The following ZGPAT variants were observed in gnomAD, a reference collection of about 807,000 sequenced individuals.
ZGPAT encodes zinc finger CCCH-type with G patch domain-containing protein.
Under a neutral mutation model 47.9 loss-of-function variants are expected in ZGPAT, and 39 were observed. The ratio of observed to expected loss-of-function variants is 0.81; its 90% CI spans 0.63 to 1.06. ZGPAT has a LOEUF of 1.06. ZGPAT is among the 50% of genes least tolerant of loss of function. The pLI is 0.00. For missense variants in ZGPAT, 717 were observed against 681.4 expected, an observed-to-expected ratio of 1.05 and a Z score of -0.58; for synonymous variants, 348 against 292.9, an observed-to-expected ratio of 1.19 and a Z score of -1.92.
rs961555500 is a variant in ZGPAT, at chr20:63,735,730, G to C, written c.1398-51G>C. ...ACAGGCAGTGGGTACGGCAGACTGG[G>C]GTTGGTGGCATGGCCCAGGACCCCA... On this transcript the variant is annotated intron_variant, in intron 6 of 6. Transcript: ENST00000355969. 5.1e-6 allele frequency: 8 copies of C among 1,557,572 alleles called. No individual in the cohort carries two copies. The African/African-American group carries it at 1.1e-4, about 21-fold the overall frequency.
chr20:63,728,897 C>T (rs2091869635), intron 2 of ZGPAT, among the ~76,000 whole-genome samples: 1 of 152,190 alleles, frequency 6.6e-6, no homozygotes, highest in Non-Finnish European at 1.5e-5. Context: ...AGTATTCTGG[C>T]CCAAGGCCCA....
At chr20:63,709,397 G>A (rs940213802) in intron 2 of ZGPAT, among the ~76,000 whole-genome samples, 1 of 152,180 alleles carries the variant, frequency 6.6e-6, no homozygotes. Context: ...CAGCACTTTA[G>A]GAAGCCGAGG....
At position 63,708,707 on chromosome 20, in the gene ZGPAT, C is replaced by T. The variant is rs1204702074; in HGVS notation, c.127C>T (p.Leu43=). 1 of 1,612,814 alleles carries T rather than the reference C, an allele frequency of 6.2e-7. No individual in the cohort carries two copies. Among genetic ancestry groups the T allele is most frequent in the Non-Finnish European group, 8.5e-7 (1 of 1,179,940 alleles). ...QADLRQLQGD[L]KELIELTEAS... is the part of the protein sequence containing the mutation. ...TGACCTGCGCCAGCTGCAGGGGGAC[C>T]TGAAGGAGCTCATCGAGCTCACCGA... The change falls in exon 2 of 7, where the codon CTG becomes TTG. Residue 43 remains leucine (L), a synonymous_variant. Coordinates refer to ENST00000355969, the MANE Select transcript of ZGPAT (RefSeq NM_181485.3).
At chr20:63,716,697 T>A (rs2091732279) in intron 2 of ZGPAT, among the ~76,000 whole-genome samples, 1 of 151,968 alleles carries the variant, frequency 6.6e-6, no homozygotes, top group Admixed American at 6.6e-5. Flanking sequence ...GTTTTTTTGT[T>A]TTTGAGACGG....
rs556931666 is a variant in ZGPAT at position 63,732,138 on chromosome 20, C to T, written c.585-1081C>T. 3.3e-5 allele frequency among the ~76,000 whole-genome samples: 5 copies of T among 151,838 alleles called. No individual in the cohort carries two copies. In the East Asian group the frequency reaches 5.9e-4, roughly 18 times the overall value. ...GAGTGAGTGCACGTGACAGTCTACA[C>T]GTGAGGGTGCATGTGTGTGCGCGTG... On this transcript the variant is annotated intron_variant, in intron 2 of 6. Coordinates refer to ENST00000355969, the MANE Select transcript of ZGPAT (RefSeq NM_181485.3).
At chr20:63,732,742 A>G (rs1186817564) in intron 2 of ZGPAT, among the ~76,000 whole-genome samples, 4 of 149,724 alleles carry the variant, frequency 2.7e-5, no homozygotes, top group South Asian at 4.2e-4. Flanking sequence ...ATGTCTGTAT[A>G]TGTGTGTGTA....
At position 63,709,017 on chromosome 20, in the gene ZGPAT, A is replaced by G; in HGVS notation, c.437A>G (p.Glu146Gly). Residue 146 changes from glutamate (E) to glycine (G), a missense_variant, in exon 2 of 7, where the codon GAG becomes GGG. Coordinates refer to ENST00000355969, the MANE Select transcript of ZGPAT (RefSeq NM_181485.3). Reference sequence around the variant, plus strand: ...TACTACAGCTCCTGGGGCACTCTGGAGTATCACAACGCCATGGTGGTGGGA... The same window carrying G: ...TACTACAGCTCCTGGGGCACTCTGGGGTATCACAACGCCATGGTGGTGGGA... ...APYYSSWGTL[E>G]YHNAMVVGTE... 2 of 1,613,628 alleles carry G rather than the reference A, an allele frequency of 1.2e-6. No individual in the cohort carries two copies. Among genetic ancestry groups the G allele is most frequent in the Non-Finnish European group, 1.7e-6 (2 of 1,179,998 alleles).
chr20:63,723,584 C>T (rs1285467916), intron 2 of ZGPAT, among the ~76,000 whole-genome samples: 2 of 133,650 alleles, frequency 1.5e-5, no homozygotes, highest in African/African-American at 5.7e-5. Flanking sequence ...CCCTTCTCCT[C>T]TGACATAGCT....
rs747676955 is a variant in ZGPAT, at chr20:63,708,619, C to T, written c.39C>T (p.Tyr13=). The T allele has an allele frequency of 6.2e-7, 1 of 1,610,924 alleles. No homozygotes were observed. Among genetic ancestry groups the T allele is most frequent in the Non-Finnish European group, 8.5e-7 (1 of 1,178,682 alleles). ...GCCTGGAGTCGGCCTTGCAGACCTA[C>T]CGTGCGCAGCTGCAGCAGGTGGAGC... is the stretch of plus-strand genomic sequence containing the variant. ...EESLESALQT[Y]RAQLQQVELA... The change falls in exon 2 of 7, where the codon TAC becomes TAT. Residue 13 remains tyrosine (Y), a synonymous_variant. Transcript: ENST00000355969.
intron 4 of ZGPAT, 80 bp from the exon 5 acceptor site, chr20:63,734,625 C>A (rs768729175): frequency 6.3e-7 from 1 of 1,580,382 alleles, no homozygotes; most frequent in South Asian, 1.2e-5. Context: ...GGGCCACTGC[C>A]CTCTGTCCAT....
At chr20:63,728,786 C>T (rs1431039918) in intron 2 of ZGPAT, among the ~76,000 whole-genome samples, 1 of 152,188 alleles carries the variant, frequency 6.6e-6, no homozygotes, top group Non-Finnish European at 1.5e-5. Context: ...TCTGCTGCTG[C>T]TGGTTTTTGC....
Position 63,734,514 on chromosome 20 carries a change from CGAG to C in ZGPAT, c.872-190_872-188del, listed in dbSNP as rs59415374. 0.012 allele frequency: 13,983 copies of C among 1,121,286 alleles called. 1,222 individuals are homozygous for C. In the African/African-American group the frequency reaches 0.19, roughly 16 times the overall value. 69.5% of individuals were successfully genotyped at this position (1,121,286 alleles called of 1,614,324 possible). A position where few individuals can be genotyped will look rare whatever the true frequency, so the allele number is the denominator to read the frequency against. On this transcript the variant is annotated intron_variant, in intron 4 of 6. Transcript: ENST00000355969. ...CACATGCCCACAGCAGCCTCGGTGA[CGAG>C]AGCACGGAGCCCAAGAGGTGGGGTG... is the stretch of plus-strand genomic sequence containing the variant.
chr20:63,732,714 G>C (rs1401847574), intron 2 of ZGPAT, among the ~76,000 whole-genome samples: 1 of 151,444 alleles, frequency 6.6e-6, no homozygotes, highest in African/African-American at 2.4e-5. Context: ...ATGTGTACTT[G>C]TGTATGTGTA....
At chr20:63,713,391 C>T (rs1490327462) in intron 2 of ZGPAT, among the ~76,000 whole-genome samples, 1 of 151,944 alleles carries the variant, frequency 6.6e-6, no homozygotes, top group East Asian at 2.0e-4. Context: ...CCACCACGCC[C>T]AGCTAATTTT....
Position 63,733,711 on chromosome 20 carries a change from CGGTACG to C in ZGPAT, c.847_852del (p.Thr283_Gly284del). Reference sequence around the variant, plus strand: ...CCACAGAGTCCGACTCAGACAGCGACGGTACGGGTGACTCCAGCTATGCCAGAGGTA... The same window carrying C: ...CCACAGAGTCCGACTCAGACAGCGACGGTGACTCCAGCTATGCCAGAGGTA... On this transcript the variant is annotated inframe_deletion, in exon 4 of 7. Coordinates refer to ENST00000355969, the MANE Select transcript of ZGPAT (RefSeq NM_181485.3). 6.2e-7 allele frequency: 1 copy of C among 1,613,474 alleles called. No individual in the cohort carries two copies. Among genetic ancestry groups the C allele is most frequent in the Non-Finnish European group, 8.5e-7 (1 of 1,179,790 alleles).
chr20:63,730,156 AG>A (rs2091883243), intron 2 of ZGPAT: 1 of 152,192 alleles, frequency 6.6e-6, no homozygotes, highest in African/African-American at 2.4e-5. Flanking sequence ...GGTGTGCTGA[AG>A]GGGCGTATTT....
At chr20:63,711,798 G>A (rs183178537) in intron 2 of ZGPAT, among the ~76,000 whole-genome samples, 99 of 152,214 alleles carry the variant, frequency 6.5e-4, no homozygotes, top group African/African-American at 2.3e-3. Context: ...ATGTTGGCCA[G>A]GCTGGTCTCG....
At position 63,708,541 on chromosome 20, in the gene ZGPAT, C is replaced by G; in HGVS notation, c.-28-12C>G. ...CCGAGACGCGGGGCTCAGCTGGCTT[C>G]TCTTCTTGCAGCCCTGGTCCAGCGC... On this transcript the variant is annotated splice_polypyrimidine_tract_variant and intron_variant, in intron 1 of 6. Coordinates refer to ENST00000355969, the MANE Select transcript of ZGPAT (RefSeq NM_181485.3). The G allele has an allele frequency of 1.3e-6, 2 of 1,535,776 alleles. No individual in the cohort carries two copies. Among genetic ancestry groups the G allele is most frequent in the Non-Finnish European group, 1.8e-6 (2 of 1,137,986 alleles).
chr20:63,721,037 T>G (rs6062506), intron 2 of ZGPAT, among the ~76,000 whole-genome samples: 105,751 of 151,978 alleles, frequency 0.7, 37,162 homozygotes, highest in Middle Eastern at 0.74. Flanking sequence ...GAAAGAGATT[T>G]CTTTAAATAT....
Sources: gnomAD v4.1 joint callset for allele counts (sites outside exome capture counted in the v4.1 genomes callset) on GRCh38, gnomAD v4.1.1 for gene constraint, MANE v1.5 for transcripts, NCBI Gene and HGNC (gene_info 2026-07-23, HGNC 2026-07-21) for gene names.